ZNF33A: variants seen among roughly 807,000 people sequenced by gnomAD.
ZNF33A encodes zinc finger protein 33A, also known as brain my041 protein.
A neutral mutation model predicts 15.9 loss-of-function variants in ZNF33A; 9 were observed. The ratio of observed to expected loss-of-function variants is 0.57; its 90% CI spans 0.34 to 0.99. ZNF33A has a LOEUF of 0.99. Among genes scored for constraint, ZNF33A ranks in the 50% least tolerant of loss-of-function variants. The pLI is 0.02. For synonymous variants in ZNF33A, 294 were observed against 324.2 expected (o/e 0.91, Z 1.00); for missense variants, 843 against 941.6 (o/e 0.90, Z 1.37).
intron 2 of ZNF33A, among the ~76,000 whole-genome samples, chr10:38,013,521 T>C (rs2064297225): frequency 6.6e-6 from 1 of 151,486 alleles, no homozygotes. Flanking sequence ...TCCGACTCCC[T>C]GGTTCAAGTG....
chr10:38,028,982 G>A (rs1263353865), intron 4 of ZNF33A, among the ~76,000 whole-genome samples: 3 of 151,952 alleles, frequency 2.0e-5, no homozygotes, highest in Admixed American at 1.3e-4. Flanking sequence ...CCTTTATGTT[G>A]TTTTCACACA....
At chr10:38,016,067 A>G in intron 2 of ZNF33A, 4 of 1,196,098 alleles carry the variant, frequency 3.3e-6, no homozygotes, top group Non-Finnish European at 4.2e-6. Flanking sequence ...AATGGTTCCA[A>G]AATCTTTCCA....
intron 1 of ZNF33A, 55 bp downstream of exon 1, chr10:38,010,838 G>A: frequency 6.3e-7 from 1 of 1,592,232 alleles, no homozygotes; most frequent in Non-Finnish European, 8.5e-7. Context: ...CGACTCCTGG[G>A]GCGGGCGGCA....
chr10:38,047,263 A>C (rs2065988425), intron 4 of ZNF33A, among the ~76,000 whole-genome samples: 1 of 151,786 alleles, frequency 6.6e-6, no homozygotes, highest in South Asian at 2.1e-4. Flanking sequence ...TTGCAGAAGA[A>C]AAAGATTACT....
At chr10:38,028,385 G>A (rs2065069762) in intron 4 of ZNF33A, among the ~76,000 whole-genome samples, 1 of 151,976 alleles carries the variant, frequency 6.6e-6, no homozygotes, top group Admixed American at 6.6e-5. Flanking sequence ...CAGTGCTTCT[G>A]CCATACTGCA....
chr10:38,022,657 C>CAAAAA (rs35295191), intron 4 of ZNF33A, among the ~76,000 whole-genome samples: 6 of 90,868 alleles, frequency 6.6e-5, no homozygotes, highest in Admixed American at 2.7e-4. Context: ...AACTCTGTCT[C>CAAAAA]AAAAAAAAAA....
chr10:38,055,823 A>G lies in ZNF33A; in HGVS notation c.1699A>G (p.Thr567Ala), dbSNP rs751348736. 3.5e-5 allele frequency: 57 copies of G among 1,613,072 alleles called. No individual in the cohort carries two copies. In the South Asian group the frequency reaches 5.3e-4, roughly 15 times the overall value. The change falls in exon 5 of 5, where the codon ACC (threonine) becomes GCC (alanine). Residue 567 changes from threonine (T) to alanine (A), a missense_variant. Transcript: ENST00000432900. ...TGGGAAATTCTTTAGCCATAAGTCA[A>G]CCCTCTCTCAACATTATAGAACACA... is the stretch of plus-strand genomic sequence containing the variant. Reference protein sequence around the residue: ...ECGKFFSHKSTLSQHYRTHTG... With the variant: ...ECGKFFSHKSALSQHYRTHTG...
At position 38,058,109 on chromosome 10, in the gene ZNF33A, GA is replaced by G. The variant is rs2066558921; in HGVS notation, c.*1551del. 4.3e-6 allele frequency: 4 copies of G among 935,582 alleles called. No homozygotes were observed. Among genetic ancestry groups the G allele is most frequent in the African/African-American group, 1.8e-5 (1 of 56,140 alleles). 58.0% of individuals were successfully genotyped at this position (935,582 alleles called of 1,614,324 possible). ...CTTCCACTTTAGGAAACTAGAAAAA[GA>G]AGAGCAAATTAAATCCAAAGTAACC... On this transcript the variant is annotated 3_prime_UTR_variant, in exon 5 of 5. Transcript: ENST00000432900.
At chr10:38,052,281 G>A (rs968123943) in intron 4 of ZNF33A, among the ~76,000 whole-genome samples, 9 of 152,140 alleles carry the variant, frequency 5.9e-5, no homozygotes, top group Middle Eastern at 3.4e-3. Context: ...TAGGTGGCAG[G>A]AGAAAAATAT....
intron 4 of ZNF33A, among the ~76,000 whole-genome samples, chr10:38,046,881 G>T (rs1284882224): frequency 6.6e-6 from 1 of 152,078 alleles, no homozygotes; most frequent in Non-Finnish European, 1.5e-5. Flanking sequence ...CTTGACATGA[G>T]AAATACATGG....
chr10:38,024,163 C>CCAAAAAAAAAAAAA (rs1554902706), intron 4 of ZNF33A, among the ~76,000 whole-genome samples: 1 of 93,214 alleles, frequency 1.1e-5, no homozygotes, highest in African/African-American at 4.1e-5. Context: ...AAAAACAAAA[C>CCAAAAAAAAAAAAA]AAAAAAAAAA....
At position 38,055,096 on chromosome 10, in the gene ZNF33A, A is replaced by T. The variant is rs768471636; in HGVS notation, c.972A>T (p.Lys324Asn). 7.4e-6 allele frequency: 12 copies of T among 1,614,056 alleles called. No individual in the cohort carries two copies. The South Asian group carries it at 1.3e-4, about 18-fold the overall frequency. ...LCLSHLQKGD[K>N]GEKHFECNEC... Reference sequence around the variant, plus strand: ...TGTCACACCTTCAGAAAGGTGATAAAGGAGAGAAACACTTTGAATGTAATG... The same window carrying T: ...TGTCACACCTTCAGAAAGGTGATAATGGAGAGAAACACTTTGAATGTAATG... The change falls in exon 5 of 5, where the codon AAA becomes AAT. Residue 324 changes from lysine to asparagine, a missense_variant. Physicochemically the swap from Lys to Asn is moderately conservative, Grantham distance 94. Coordinates refer to ENST00000432900, the MANE Select transcript of ZNF33A (RefSeq NM_006954.2).
intron 4 of ZNF33A, among the ~76,000 whole-genome samples, chr10:38,046,707 C>G (rs1009696020): frequency 6.6e-6 from 1 of 151,934 alleles, no homozygotes; most frequent in African/African-American, 2.4e-5. Flanking sequence ...TCAGAATTGC[C>G]ATAGATATTA....
chr10:38,028,784 A>G (rs2065094385), intron 4 of ZNF33A, among the ~76,000 whole-genome samples: 1 of 152,068 alleles, frequency 6.6e-6, no homozygotes, highest in Non-Finnish European at 1.5e-5. Context: ...TTTATAGTGA[A>G]TCATTTTTAT....
In ZNF33A at chr10:38,059,043, A is replaced by G. The variant is rs899635095; in HGVS notation, c.*2483A>G. ...TCCTCAAAATATTAGCAAATCAGGA[A>G]TGCAAGGCTTGTTCAACATTTGATA... On this transcript the variant is annotated 3_prime_UTR_variant, in exon 5 of 5. Coordinates refer to ENST00000432900, the MANE Select transcript of ZNF33A (RefSeq NM_006954.2). 2 of 152,236 alleles carry G rather than the reference A, an allele frequency of 1.3e-5. No homozygotes were observed. The highest frequency in any genetic ancestry group is 4.8e-5 in the African/African-American group (2 of 41,470). The allele number at this position is 152,236 out of a possible 1,614,324, so 9.4% of individuals were successfully genotyped here. A position where few individuals can be genotyped will look rare whatever the true frequency, so the allele number is the denominator to read the frequency against.
At position 38,010,762 on chromosome 10, in the gene ZNF33A, T is replaced by C; in HGVS notation, c.-66T>C. 6.3e-7 allele frequency: 1 copy of C among 1,598,400 alleles called. No homozygotes were observed. The highest frequency in any genetic ancestry group is 8.5e-7 in the Non-Finnish European group (1 of 1,179,790). On this transcript the variant is annotated 5_prime_UTR_variant, in exon 1 of 5. The change abolishes an upstream ATG in the 5' untranslated region. Coordinates refer to ENST00000432900, the MANE Select transcript of ZNF33A (RefSeq NM_006954.2). ...GGTCTACGCGCTTTTCTATGGCGAA[T>C]GCAACCCGACGAGGGAGTGGGGTAA... is the stretch of plus-strand genomic sequence containing the variant.
In ZNF33A at chr10:38,055,931, C is replaced by T; in HGVS notation, c.1807C>T (p.His603Tyr). ...ATACCTAACTAAACATAATAGAACACATACAGGGGAGAAACCCTATGAATG... is the reference window on the plus strand; with the variant it reads ...ATACCTAACTAAACATAATAGAACATATACAGGGGAGAAACCCTATGAATG... The part of the protein sequence containing the change: ...KSYLTKHNRT[H>Y]TGEKPYECNE... Residue 603 changes from histidine to tyrosine, a missense_variant, in exon 5 of 5, where the codon CAT becomes TAT. By Grantham distance (83) the His-to-Tyr change is moderately conservative (BLOSUM62 2). Transcript: ENST00000432900. 6.2e-7 allele frequency: 1 copy of T among 1,613,806 alleles called. No homozygotes were observed. Among genetic ancestry groups the T allele is most frequent in the Non-Finnish European group, 8.5e-7 (1 of 1,179,876 alleles).
chr10:38,014,438 C>T (rs1456782556), intron 2 of ZNF33A, among the ~76,000 whole-genome samples: 2 of 152,156 alleles, frequency 1.3e-5, no homozygotes, highest in African/African-American at 4.8e-5. Context: ...ATGACTTTTC[C>T]TACTTCAAGG....
intron 1 of ZNF33A, 134 bp from the exon 2 acceptor site, chr10:38,012,164 T>C: frequency 1.3e-6 from 1 of 756,518 alleles, no homozygotes; most frequent in Non-Finnish European, 2.2e-6. Context: ...TTCCAAAGTG[T>C]CAGAGGACAT....
Sources: allele counts gnomAD v4.1 joint callset (sites outside exome capture counted in the v4.1 genomes callset), GRCh38; gene constraint gnomAD v4.1.1; transcripts MANE v1.5; gene names NCBI Gene and HGNC (gene_info 2026-07-23, HGNC 2026-07-21).